The following MYO7B variants were observed in gnomAD, a reference collection of about 807,000 sequenced individuals.
The protein encoded by MYO7B is unconventional myosin-VIIb.
In MYO7B, 212 loss-of-function variants were observed where a neutral mutation model predicts 259.7. The observed-to-expected ratio is 0.82, with a 90% CI of 0.73 to 0.91. The LOEUF is 0.91. Among genes scored for constraint, MYO7B ranks in the 40% least tolerant of loss-of-function variants. The pLI, the probability that MYO7B is intolerant of heterozygous loss-of-function variation, is 0.00. For synonymous variants in MYO7B, 1,197 were observed against 1,166.4 expected (o/e 1.03, Z -0.54); for missense variants, 2,732 against 2,813.5 (o/e 0.97, Z 0.66).
At chr2:127,560,107 A>T (rs1414603458) in intron 2 of MYO7B, among the ~76,000 whole-genome samples, 1 of 147,886 alleles carries the variant, frequency 6.8e-6, no homozygotes, top group African/African-American at 2.5e-5. Context: ...GCTCACGGTG[A>T]CCTCTGCCTC....
chr2:127,576,532 A>G lies in MYO7B; in HGVS notation c.736-63A>G. 9.6e-7 allele frequency: 1 copy of G among 1,043,806 alleles called. No individual in the cohort carries two copies. Among genetic ancestry groups the G allele is most frequent in the Non-Finnish European group, 1.4e-6 (1 of 716,614 alleles). The allele number at this position is 1,043,806 out of a possible 1,614,324, so 64.7% of individuals were successfully genotyped here. On this transcript the variant is annotated intron_variant, in intron 7 of 47. Coordinates refer to ENST00000409816, the MANE Select transcript of MYO7B (RefSeq NM_001393586.1). The surrounding 1 kb of genome is among the most constrained non-coding windows in gnomAD (Gnocchi z 4.9). ...GGCTGGGCTGGGCAGAGGCAGTCTG[A>G]GGCCCTGAGGCCTCAGGGGAATGGC...
intron 19 of MYO7B, among the ~76,000 whole-genome samples, chr2:127,603,907 G>A (rs754787262): frequency 2.2e-4 from 33 of 152,204 alleles, no homozygotes; most frequent in Non-Finnish European, 4.0e-4. Context: ...GCCAAGGTGG[G>A]TGGATCACAA....
intron 7 of MYO7B, among the ~76,000 whole-genome samples, chr2:127,574,431 T>C (rs1678779893): frequency 6.6e-6 from 1 of 152,098 alleles, no homozygotes; most frequent in African/African-American, 2.4e-5. Flanking sequence ...TCCCAGCTAC[T>C]TGGGAAGCTG....
intron 36 of MYO7B, 125 bp from the exon 37 acceptor site, chr2:127,631,081 G>GA: frequency 7.1e-7 from 1 of 1,411,838 alleles, no homozygotes; most frequent in Non-Finnish European, 9.4e-7. Context: ...GGGGAGTCAG[G>GA]AGGGGCTTGC....
chr2:127,598,353 G>T (rs537650435), intron 19 of MYO7B, among the ~76,000 whole-genome samples: 1 of 152,304 alleles, frequency 6.6e-6, no homozygotes, highest in East Asian at 1.9e-4. Flanking sequence ...ATTTCCCGAT[G>T]TGGAACACCT....
At chr2:127,617,859 T>TTG (rs1680641490) in intron 26 of MYO7B, among the ~76,000 whole-genome samples, 1 of 151,052 alleles carries the variant, frequency 6.6e-6, no homozygotes, top group South Asian at 2.1e-4. Context: ...GCTTTAGTTT[T>TTG]TTTTTTTTTT....
chr2:127,616,106 G>A (rs1432264052), intron 26 of MYO7B, among the ~76,000 whole-genome samples: 8 of 152,138 alleles, frequency 5.3e-5, no homozygotes, highest in Admixed American at 3.3e-4. Context: ...CTCAGCTTCT[G>A]CCTCTTTGGT....
At chr2:127,635,958 C>T (rs1681779193) in intron 44 of MYO7B, 51 bp downstream of exon 44, 3 of 1,530,012 alleles carry the variant, frequency 2.0e-6, no homozygotes, top group African/African-American at 1.4e-5. Context: ...CCTCCCTGGG[C>T]CCCTGCACCA....
In MYO7B at chr2:127,636,463, T is replaced by G. The variant is rs1681813977; in HGVS notation, c.6124-82T>G. 1.4e-6 allele frequency: 2 copies of G among 1,455,508 alleles called. No individual in the cohort carries two copies. Among genetic ancestry groups the G allele is most frequent in the African/African-American group, 1.4e-5 (1 of 71,178 alleles). 90.2% of individuals were successfully genotyped at this position (1,455,508 alleles called of 1,614,324 possible). The stretch of plus-strand genomic sequence containing the variant: ...GAGGGCGTGGGTGTATGTGTGTATG[T>G]GCGTGTGGCCTAGATGAGCTCCTGG... On this transcript the variant is annotated intron_variant, in intron 45 of 47. Transcript: ENST00000409816. The surrounding 1 kb of genome is among the most constrained non-coding windows in gnomAD (Gnocchi z 4.5).
chr2:127,630,172 C>T (rs562271075), intron 35 of MYO7B, among the ~76,000 whole-genome samples: 131 of 152,366 alleles, frequency 8.6e-4, no homozygotes, highest in African/African-American at 3.1e-3. Context: ...CCCCCAAGAC[C>T]AGCCTCTCCG....
At chr2:127,608,625 G>A (rs1165750321) in intron 21 of MYO7B, 83 bp from the exon 22 acceptor site, 1 of 1,452,172 alleles carries the variant, frequency 6.9e-7, no homozygotes, top group East Asian at 2.4e-5. Flanking sequence ...CTTCTGGGAG[G>A]TGCTTGCCCT....
intron 19 of MYO7B, among the ~76,000 whole-genome samples, chr2:127,599,339 G>A (rs1003307679): frequency 8.5e-5 from 13 of 152,062 alleles, no homozygotes; most frequent in African/African-American, 2.7e-4. Context: ...TTTGACATTG[G>A]CATATTCATT....
In MYO7B at chr2:127,627,573, G is replaced by A. The variant is rs916601879; in HGVS notation, c.4460+263G>A. 14 of 595,184 alleles carry A rather than the reference G, an allele frequency of 2.4e-5. No homozygotes were observed. The highest frequency in any genetic ancestry group is 3.5e-5 in the Non-Finnish European group (11 of 318,146). The allele number at this position is 595,184 out of a possible 1,614,324, so 36.9% of individuals were successfully genotyped here. ...TTTGAAACCCAGGTCCACCCGGAAGGGGCAGGGAAGCGTGCAGCCTCTGGC... is the reference window on the plus strand; with the variant it reads ...TTTGAAACCCAGGTCCACCCGGAAGAGGCAGGGAAGCGTGCAGCCTCTGGC... On this transcript the variant is annotated intron_variant, in intron 33 of 47. Coordinates refer to ENST00000409816, the MANE Select transcript of MYO7B (RefSeq NM_001393586.1). The surrounding 1 kb of genome is among the most constrained non-coding windows in gnomAD (Gnocchi z 5.6).
Position 127,631,662 on chromosome 2 carries a change from G to A in MYO7B, c.5158G>A (p.Asp1720Asn), listed in dbSNP as rs373648776. 66 of 1,612,910 alleles carry A rather than the reference G, an allele frequency of 4.1e-5. No individual in the cohort carries two copies. The highest frequency in any genetic ancestry group is 3.3e-4 in the Middle Eastern group (2 of 6,084). Reference protein sequence around the residue: ...RQAWPTLELTDQIFTLALQHP... With the variant: ...RQAWPTLELTNQIFTLALQHP... ...GGCCTGGCCCACCCTGGAGCTCACC[G>A]ACCAGATCTTCACACTGGCCCTGCA... Residue 1720 changes from aspartate to asparagine, a missense_variant, in exon 38 of 48, where the codon GAC becomes AAC. Asp to Asn is a conservative substitution (Grantham distance 23). This residue lies in a region of MYO7B where 821 missense variants were observed against 769.3 expected (regional missense o/e 1.07). Coordinates refer to ENST00000409816, the MANE Select transcript of MYO7B (RefSeq NM_001393586.1).
At chr2:127,620,693 G>C (rs1680802793) in intron 27 of MYO7B, among the ~76,000 whole-genome samples, 1 of 152,174 alleles carries the variant, frequency 6.6e-6, no homozygotes, top group Admixed American at 6.5e-5. Flanking sequence ...GGGTCTGCAG[G>C]GCCATTTCAC....
At chr2:127,562,482 G>GTTTTTTTT (rs56290548) in intron 2 of MYO7B, among the ~76,000 whole-genome samples, 663 of 60,934 alleles carry the variant, frequency 0.011, 1 homozygote, top group Non-Finnish European at 0.014. Flanking sequence ...GGGTTTTATT[G>GTTTTTTTT]TTTTTTTTTT....
chr2:127,588,368 T>C, intron 14 of MYO7B, 24 bp from the exon 15 acceptor site: 5 of 1,610,466 alleles, frequency 3.1e-6, no homozygotes, highest in African/African-American at 1.3e-5. Context: ...GCTGGGATGC[T>C]GGGTGGGCCC....
Position 127,609,338 on chromosome 2 carries a change from C to T in MYO7B, c.2815-168C>T, listed in dbSNP as rs555750456. 4.6e-5 allele frequency among the ~76,000 whole-genome samples: 7 copies of T among 152,088 alleles called. No individual in the cohort carries two copies. Among genetic ancestry groups the T allele is most frequent in the Non-Finnish European group, 1.0e-4 (7 of 68,012 alleles). On this transcript the variant is annotated intron_variant, in intron 22 of 47. Transcript: ENST00000409816. The surrounding 1 kb of genome is among the most constrained non-coding windows in gnomAD (Gnocchi z 6.9). ...GTGTAGAGAGCCCTGTGCTGGCACA[C>T]GGCAGCCCACCTGAGCCCACTGAAT...
chr2:127,561,841 A>G (rs1678097971), intron 2 of MYO7B, among the ~76,000 whole-genome samples: 1 of 152,194 alleles, frequency 6.6e-6, no homozygotes, highest in Non-Finnish European at 1.5e-5. Flanking sequence ...TAAACCACAG[A>G]CATTTGCGTT....
Sources: allele counts gnomAD v4.1 joint callset (sites outside exome capture counted in the v4.1 genomes callset), GRCh38; gene constraint gnomAD v4.1.1; regional missense constraint gnomAD v4.1.1; non-coding constraint Gnocchi (gnomAD v3.1); transcripts MANE v1.5; gene names NCBI Gene and HGNC (gene_info 2026-07-23, HGNC 2026-07-21).